Variants in CYFIP1 observed in about 807,000 individuals in gnomAD.
CYFIP1 encodes the protein cytoplasmic FMR1-interacting protein 1.
CYFIP1 carries 58 observed loss-of-function variants against 163.5 expected under a neutral mutation model. The observed-to-expected ratio is 0.35, with a 90% CI of 0.29 to 0.44. CYFIP1 has a LOEUF of 0.44. Among genes scored for constraint, CYFIP1 ranks in the 20% least tolerant of loss-of-function variants. The probability of loss-of-function intolerance (pLI) is 1.00; values close to 1 mark genes in which losing one functional copy is unlikely to be tolerated. For synonymous variants in CYFIP1, 663 were observed against 660.7 expected, an observed-to-expected ratio of 1.00 and a Z score of -0.05; for missense variants, 1,338 against 1,653.8, an observed-to-expected ratio of 0.81 and a Z score of 3.31.
rs772456133 is a variant in CYFIP1 at position 22,914,840 on chromosome 15, C to T, written c.1871G>A (p.Arg624Gln). 1.9e-6 allele frequency: 3 copies of T among 1,613,638 alleles called. No individual in the cohort carries two copies. The highest frequency in any genetic ancestry group is 2.2e-5 in the East Asian group (1 of 44,842). The change falls in exon 17 of 31, where the codon CGA (arginine) becomes CAA (glutamine). Residue 624 changes from arginine (R) to glutamine (Q), a missense_variant. Coordinates refer to ENST00000617928, the MANE Select transcript of CYFIP1 (RefSeq NM_014608.6). ...QCCDLSQLWF[R>Q]EFFLELTMGR... ...CATGGTCAGCTCCAGGAAGAACTCT[C>T]GGAACCACAGCTGCGAAAGGTCACA...
rs2039899377 is a variant in CYFIP1, at chr15:22,964,407, A to ACACC, written c.-7+15879_-7+15880insGGTG. The stretch of plus-strand genomic sequence containing the variant: ...CACACACACACACACACACACACAC[A>ACACC]CCCGGCAGCCCTGCCAGCAGACTCC... On this transcript the variant is annotated intron_variant, in intron 1 of 30. Transcript: ENST00000617928. 5.9e-5 allele frequency among the ~76,000 whole-genome samples: 8 copies of ACACC among 135,672 alleles called. No homozygotes were observed. In the East Asian group the frequency reaches 6.8e-4, roughly 12 times the overall value. The allele number at this position is 135,672 out of a possible 152,430, so 89.0% of individuals were successfully genotyped here. A position where few individuals can be genotyped will look rare whatever the true frequency, so the allele number is the denominator to read the frequency against.
At chr15:22,978,663 T>C (rs948188057) in intron 1 of CYFIP1, among the ~76,000 whole-genome samples, 1 of 152,162 alleles carries the variant, frequency 6.6e-6, no homozygotes, top group Admixed American at 6.6e-5. Context: ...TTTGTAATTT[T>C]TCTCATCACT....
At chr15:22,962,657 G>A (rs1361435259) in intron 1 of CYFIP1, among the ~76,000 whole-genome samples, 1 of 151,940 alleles carries the variant, frequency 6.6e-6, no homozygotes, top group East Asian at 1.9e-4. Context: ...ACCAGCCTCG[G>A]CCTCCCAAAG....
Position 22,867,831 on chromosome 15 carries a change from T to G in CYFIP1, c.*2197A>C, listed in dbSNP as rs923021226. 6.9e-6 allele frequency: 1 copy of G among 145,040 alleles called. No individual in the cohort carries two copies. The highest frequency in any genetic ancestry group is 1.5e-5 in the Non-Finnish European group (1 of 65,556). 9.0% of individuals were successfully genotyped at this position (145,040 alleles called of 1,614,324 possible). On this transcript the variant is annotated 3_prime_UTR_variant, in exon 31 of 31. Transcript: ENST00000617928. ...AGAGCTCCTTTGGGCCACTACATAT[T>G]TTGGTTTCTAGAAAATGTTTGTTTA...
chr15:22,976,416 A>G (rs1241261844), intron 1 of CYFIP1, among the ~76,000 whole-genome samples: 1 of 152,202 alleles, frequency 6.6e-6, no homozygotes, highest in Non-Finnish European at 1.5e-5. Flanking sequence ...TCGGCCTCCC[A>G]AAGTGCTGGG....
At chr15:22,904,197 T>G in intron 21 of CYFIP1, 3 of 483,242 alleles carry the variant, frequency 6.2e-6, no homozygotes, top group Non-Finnish European at 1.1e-5. Flanking sequence ...ACTGCCACCC[T>G]TCCCCCCATG....
At chr15:22,941,685 G>A (rs1359096798) in intron 6 of CYFIP1, among the ~76,000 whole-genome samples, 1 of 152,022 alleles carries the variant, frequency 6.6e-6, no homozygotes, top group Non-Finnish European at 1.5e-5. Context: ...GGTGCTCAGG[G>A]GAACCTGGAG....
chr15:22,967,005 T>C (rs960942997), intron 1 of CYFIP1, among the ~76,000 whole-genome samples: 1 of 151,842 alleles, frequency 6.6e-6, no homozygotes, highest in African/African-American at 2.4e-5. Context: ...TCTGCCTTTT[T>C]TTTTTTCTGC....
chr15:22,896,928 C>T (rs144587249), intron 22 of CYFIP1, among the ~76,000 whole-genome samples: 185 of 152,032 alleles, frequency 1.2e-3, no homozygotes, highest in African/African-American at 4.1e-3. Context: ...GAGTGTTGGC[C>T]GGGCGAGGTG....
At chr15:22,935,766 T>A (rs1235840778) in intron 9 of CYFIP1, among the ~76,000 whole-genome samples, 1 of 151,954 alleles carries the variant, frequency 6.6e-6, no homozygotes, top group Non-Finnish European at 1.5e-5. Context: ...GCTAAAAGAG[T>A]AGATCTTAAG....
At chr15:22,944,970 A>G (rs1261494764) in intron 3 of CYFIP1, 31 bp from the exon 4 acceptor site, 2 of 1,596,602 alleles carry the variant, frequency 1.3e-6, no homozygotes, top group Non-Finnish European at 1.7e-6. Flanking sequence ...AATCAAAGGC[A>G]GGCGGGGGAA....
chr15:22,883,464 T>C (rs1365082711), intron 23 of CYFIP1, among the ~76,000 whole-genome samples: 4 of 152,166 alleles, frequency 2.6e-5, no homozygotes, highest in African/African-American at 9.6e-5. Flanking sequence ...AGGGTGTGTA[T>C]TAGTCCGTTT....
At chr15:22,906,452 A>G (rs1048468340) in intron 21 of CYFIP1, among the ~76,000 whole-genome samples, 1 of 136,150 alleles carries the variant, frequency 7.3e-6, no homozygotes, top group African/African-American at 2.7e-5. Flanking sequence ...ATTCTTTCAC[A>G]GCAACTACTA....
Position 22,930,400 on chromosome 15 carries a change from A to AC in CYFIP1, c.1110+1822_1110+1823insG, listed in dbSNP as rs1555412994. ...GACTCCGTCTCACCCAAAAAAAAAAAAAAAAAAAAAAACTGTACTCCGAAA... is the reference window on the plus strand; with the variant it reads ...GACTCCGTCTCACCCAAAAAAAAAAACAAAAAAAAAAAACTGTACTCCGAAA... On this transcript the variant is annotated intron_variant, in intron 11 of 30. Coordinates refer to ENST00000617928, the MANE Select transcript of CYFIP1 (RefSeq NM_014608.6). Among the ~76,000 whole-genome samples, 180 of 149,842 alleles carry AC rather than the reference A, an allele frequency of 1.2e-3. 1 individual carries two copies. In the East Asian group the frequency reaches 0.023, roughly 19 times the overall value.
At chr15:22,915,070 G>A (rs2060924550) in intron 16 of CYFIP1, 188 bp from the exon 17 acceptor site, 1 of 496,834 alleles carries the variant, frequency 2.0e-6, no homozygotes, top group Non-Finnish European at 3.5e-6. Flanking sequence ...GGGCATAGCT[G>A]CAGGTAAAGC....
intron 20 of CYFIP1, among the ~76,000 whole-genome samples, chr15:22,909,694 T>A (rs1334537628): frequency 6.6e-6 from 1 of 152,240 alleles, no homozygotes; most frequent in Non-Finnish European, 1.5e-5. Context: ...TAGTTTTGTG[T>A]GTGTAATGTA....
intron 1 of CYFIP1, among the ~76,000 whole-genome samples, chr15:22,970,498 A>G (rs1016313507): frequency 2.6e-5 from 4 of 152,250 alleles, no homozygotes; most frequent in Non-Finnish European, 4.4e-5. Context: ...ATCTTGAAAA[A>G]GATGAACAAA....
chr15:22,878,522 A>G lies in CYFIP1; in HGVS notation c.3042+1391T>C, dbSNP rs1016494618. Among the ~76,000 whole-genome samples the G allele has an allele frequency of 2.6e-5, 4 of 152,124 alleles. No individual in the cohort carries two copies. In the South Asian group the frequency reaches 8.3e-4, roughly 32 times the overall value. On this transcript the variant is annotated intron_variant, in intron 26 of 30. Transcript: ENST00000617928. ...GCTTCCTCTGCCTCTCACATTATAC[A>G]CAAAGACCAACTCCAGAAGGATTAC...
chr15:22,930,389 C>CAAAAAAAAAAA (rs35398202), intron 11 of CYFIP1, among the ~76,000 whole-genome samples: 4 of 114,082 alleles, frequency 3.5e-5, no homozygotes, highest in Admixed American at 1.1e-4. Flanking sequence ...CCGTCTCACC[C>CAAAAAAAAAAA]AAAAAAAAAA....
Sources: allele counts gnomAD v4.1 joint callset (sites outside exome capture counted in the v4.1 genomes callset), GRCh38; gene constraint gnomAD v4.1.1; transcripts MANE v1.5; gene names NCBI Gene and HGNC (gene_info 2026-07-23, HGNC 2026-07-21).